The following SPATA6L variants were observed in gnomAD, a reference collection of about 807,000 sequenced individuals.
SPATA6L encodes spermatogenesis associated 6 like.
In SPATA6L, 68 loss-of-function variants were observed where a neutral mutation model predicts 49.2. The observed-to-expected ratio is 1.38, with a 90% CI of 1.14 to 1.69. SPATA6L has a LOEUF of 1.69. Ranked by LOEUF, SPATA6L falls within the 40% of genes most tolerant of loss-of-function variation. The pLI is 0.00. For synonymous variants in SPATA6L, 198 were observed against 165.7 expected (o/e 1.19, Z -1.50); for missense variants, 668 against 464.3 (o/e 1.44, Z -4.03).
At position 4,629,210 on chromosome 9, in the gene SPATA6L, C is replaced by G; in HGVS notation, c.352-42G>C. The G allele has an allele frequency of 1.4e-6, 2 of 1,413,778 alleles. 1 individual carries two copies. The highest frequency in any genetic ancestry group is 2.4e-5 in the South Asian group (2 of 82,882). 87.6% of individuals were successfully genotyped at this position (1,413,778 alleles called of 1,614,324 possible). A position where few individuals can be genotyped will look rare whatever the true frequency, so the allele number is the denominator to read the frequency against. On this transcript the variant is annotated intron_variant, in intron 4 of 11. Coordinates refer to ENST00000682582, the MANE Select transcript of SPATA6L (RefSeq NM_001353486.2). The stretch of plus-strand genomic sequence containing the variant: ...AAAAAGCAAATAAAATTACTAGAAA[C>G]AGTTCTTTAGCCATCTCCTTCTAAC...
chr9:4,647,840 T>TTGA (rs35100579), intron 3 of SPATA6L, among the ~76,000 whole-genome samples: 1 of 141,912 alleles, frequency 7.0e-6, no homozygotes, highest in Non-Finnish European at 1.5e-5. Context: ...TTTTAGTTTT[T>TTGA]TTTTTTTTTT....
At chr9:4,618,178 G>A (rs1828456171) in intron 8 of SPATA6L, 68 bp from the exon 9 acceptor site, 2 of 1,410,982 alleles carry the variant, frequency 1.4e-6, no homozygotes, top group East Asian at 4.8e-5. Flanking sequence ...GCTGGGGGTG[G>A]GGGTTGGACA....
At chr9:4,638,768 T>A (rs1432035880) in intron 3 of SPATA6L, among the ~76,000 whole-genome samples, 1 of 138,080 alleles carries the variant, frequency 7.2e-6, no homozygotes. Context: ...AAGAACTCTT[T>A]TCTTTTCTTT....
Position 4,599,137 on chromosome 9 carries a change from T to C in SPATA6L, c.*1674A>G, listed in dbSNP as rs899741653. ...AATTTTATACATGATTTTAAATAAT[T>C]TGGAGCATGAAACAAAGTTTCGAAT... On this transcript the variant is annotated 3_prime_UTR_variant, in exon 12 of 12. Transcript: ENST00000682582. Among the ~76,000 whole-genome samples the C allele has an allele frequency of 3.3e-5, 5 of 152,200 alleles. No individual in the cohort carries two copies. Among genetic ancestry groups the C allele is most frequent in the African/African-American group, 9.6e-5 (4 of 41,456 alleles).
chr9:4,643,480 G>A (rs1834515396), intron 3 of SPATA6L, among the ~76,000 whole-genome samples: 1 of 151,902 alleles, frequency 6.6e-6, no homozygotes, highest in African/African-American at 2.4e-5. Context: ...TATACCAAGA[G>A]AGAAATATTT....
Position 4,599,180 on chromosome 9 carries a change from G to T in SPATA6L, c.*1631C>A, listed in dbSNP as rs1289484454. ...TTTCGAATGCATTTGACTGCACCCT[G>T]CCACATGCAGTCAGATGTGGAATTT... is the stretch of plus-strand genomic sequence containing the variant. On this transcript the variant is annotated 3_prime_UTR_variant, in exon 12 of 12. Coordinates refer to ENST00000682582, the MANE Select transcript of SPATA6L (RefSeq NM_001353486.2). 1.3e-5 allele frequency among the ~76,000 whole-genome samples: 2 copies of T among 152,190 alleles called. No homozygotes were observed. The highest frequency in any genetic ancestry group is 1.3e-4 in the Admixed American group (2 of 15,282).
chr9:4,592,485 G>A (rs931720344), intron 13 of SPATA6L, among the ~76,000 whole-genome samples: 3 of 152,028 alleles, frequency 2.0e-5, no homozygotes, highest in South Asian at 2.1e-4. Flanking sequence ...TTCCACAAAC[G>A]AAGAAACTAG....
chr9:4,656,127 G>A, intron 2 of SPATA6L, 38 bp from the exon 3 acceptor site: 1 of 1,558,026 alleles, frequency 6.4e-7, no homozygotes, highest in African/African-American at 1.4e-5. Context: ...TTTCAAAGTT[G>A]TATTAATAAG....
chr9:4,654,719 G>C (rs577458380), intron 3 of SPATA6L, among the ~76,000 whole-genome samples: 1 of 152,148 alleles, frequency 6.6e-6, no homozygotes, highest in African/African-American at 2.4e-5. Context: ...CAACTGCCCC[G>C]GCCAAACTCC....
Position 4,625,441 on chromosome 9 carries a change from C to A in SPATA6L, c.555G>T (p.Arg185=), listed in dbSNP as rs1298637006. 1 of 1,613,956 alleles carries A rather than the reference C, an allele frequency of 6.2e-7. No individual in the cohort carries two copies. The highest frequency in any genetic ancestry group is 8.5e-7 in the Non-Finnish European group (1 of 1,180,012). Residue 185 remains arginine, a synonymous_variant, in exon 6 of 12, where the codon CGG becomes CGT. Transcript: ENST00000682582. ...LNRLPKGMQA[R]APSQYSTRHF... The stretch of plus-strand genomic sequence containing the variant: ...GCCTGGTAGAATATTGAGAGGGCGC[C>A]CGGGCTTGCATGCCTTTGGGCAGTC...
At chr9:4,644,109 G>A (rs929109284) in intron 3 of SPATA6L, among the ~76,000 whole-genome samples, 2 of 143,038 alleles carry the variant, frequency 1.4e-5, no homozygotes, top group African/African-American at 5.0e-5. Context: ...CACTTTGGGT[G>A]GCCAAGGTGG....
intron 7 of SPATA6L, among the ~76,000 whole-genome samples, chr9:4,619,617 T>C (rs1178127574): frequency 6.6e-6 from 1 of 152,216 alleles, no homozygotes; most frequent in Non-Finnish European, 1.5e-5. Context: ...TTATAAACTC[T>C]GTCTCCTCTG....
At chr9:4,653,475 C>T (rs1441163218) in intron 3 of SPATA6L, among the ~76,000 whole-genome samples, 1 of 152,124 alleles carries the variant, frequency 6.6e-6, no homozygotes, top group African/African-American at 2.4e-5. Flanking sequence ...ACACCAAAAG[C>T]ACAAGCAACA....
intron 13 of SPATA6L, among the ~76,000 whole-genome samples, chr9:4,590,690 G>A (rs1349960379): frequency 1.3e-5 from 2 of 152,122 alleles, no homozygotes; most frequent in Admixed American, 1.3e-4. Context: ...CTGGCCCCGC[G>A]GGGACAACTC....
intron 3 of SPATA6L, among the ~76,000 whole-genome samples, chr9:4,650,856 G>A (rs202163782): frequency 1.3e-5 from 1 of 74,356 alleles, no homozygotes; most frequent in Non-Finnish European, 3.0e-5. Flanking sequence ...GTGTGTGTGT[G>A]TGTGTGTGTG....
intron 11 of SPATA6L, 80 bp from the exon 12 acceptor site, chr9:4,600,889 T>C (rs1408107528): frequency 6.6e-6 from 1 of 152,232 alleles, no homozygotes; most frequent in Non-Finnish European, 1.5e-5. Context: ...GAGAAAAAGA[T>C]AATGTCATAC....
At chr9:4,643,742 C>T (rs572158325) in intron 3 of SPATA6L, among the ~76,000 whole-genome samples, 48 of 152,120 alleles carry the variant, frequency 3.2e-4, no homozygotes, top group Non-Finnish European at 5.7e-4. Flanking sequence ...CAGTGGCTCA[C>T]GTCTGTAACC....
Position 4,604,267 on chromosome 9 carries a change from T to C in SPATA6L, c.1092A>G (p.Glu364=), listed in dbSNP as rs532918276. 7 of 1,598,778 alleles carry C rather than the reference T, an allele frequency of 4.4e-6. No individual in the cohort carries two copies. Among genetic ancestry groups the C allele is most frequent in the South Asian group, 1.1e-5 (1 of 90,392 alleles). The change falls in exon 11 of 12, where the codon GAA becomes GAG. Residue 364 remains glutamate (E), a splice_region_variant and synonymous_variant. Transcript: ENST00000682582. The part of the protein sequence containing the change: ...SHRAQLHQNK[E]DSTSEVNYII... Reference sequence around the variant, plus strand: ...TATAATTTACTTCAGAGGTAGAATCTTCCTACAATAAAAACAAATCCAGCA... The same window carrying C: ...TATAATTTACTTCAGAGGTAGAATCCTCCTACAATAAAAACAAATCCAGCA...
chr9:4,603,782 G>C (rs60875599), intron 11 of SPATA6L, among the ~76,000 whole-genome samples: 3,408 of 152,248 alleles, frequency 0.022, 116 homozygotes, highest in African/African-American at 0.078. Context: ...AGGGAGTGTC[G>C]TGTCATAGAA....
Sources: gnomAD v4.1 joint callset for allele counts (sites outside exome capture counted in the v4.1 genomes callset) on GRCh38, gnomAD v4.1.1 for gene constraint, MANE v1.5 for transcripts, NCBI Gene and HGNC (gene_info 2026-07-23, HGNC 2026-07-21) for gene names.